Variants in NETO1 observed in about 807,000 individuals in gnomAD.
The protein encoded by NETO1 is neuropilin and tolloid like 1, also known as neuropilin and tolloid-like protein 1.
Under a neutral mutation model 61.3 loss-of-function variants are expected in NETO1, and 26 were observed. The observed-to-expected ratio is 0.42, with a 90% confidence interval of 0.31 to 0.59. The LOEUF is 0.59. NETO1 is among the 20% of genes least tolerant of loss of function. The probability of loss-of-function intolerance (pLI) is 0.12; values close to 1 mark genes in which losing one functional copy is unlikely to be tolerated. For synonymous variants in NETO1, 225 were observed against 225.8 expected (o/e 1.00, Z 0.03); for missense variants, 531 against 662.8 (o/e 0.80, Z 2.18).
intron 4 of NETO1, among the ~76,000 whole-genome samples, chr18:72,799,807 A>G (rs1437221589): frequency 6.6e-6 from 1 of 152,210 alleles, no homozygotes; most frequent in Non-Finnish European, 1.5e-5. Flanking sequence ...TAAGAGAGCC[A>G]CTCCAGAGAT....
chr18:72,782,217 T>A (rs2071766375), intron 7 of NETO1, among the ~76,000 whole-genome samples: 1 of 152,226 alleles, frequency 6.6e-6, no homozygotes, highest in Non-Finnish European at 1.5e-5. Flanking sequence ...CCACAATATA[T>A]ATGTACCACA....
At position 72,744,547 on chromosome 18, in the gene NETO1, T is replaced by C. The variant is rs1175795357; in HGVS notation, c.*3632A>G. 2 of 152,104 alleles carry C rather than the reference T, an allele frequency of 1.3e-5. No homozygotes were observed. The highest frequency in any genetic ancestry group is 2.9e-5 in the Non-Finnish European group (2 of 68,018). The allele number at this position is 152,104 out of a possible 1,614,324, so 9.4% of individuals were successfully genotyped here. Reference sequence around the variant, plus strand: ...CTAGAGTGCAATAGATAGAAATGAATCCATGGAGGGAAAAGGGCACAGAGA... The same window carrying C: ...CTAGAGTGCAATAGATAGAAATGAACCCATGGAGGGAAAAGGGCACAGAGA... On this transcript the variant is annotated 3_prime_UTR_variant, in exon 11 of 11. Coordinates refer to ENST00000327305, the MANE Select transcript of NETO1 (RefSeq NM_138966.5).
intron 4 of NETO1, among the ~76,000 whole-genome samples, chr18:72,826,463 T>C (rs2073377154): frequency 6.6e-6 from 1 of 152,214 alleles, no homozygotes; most frequent in African/African-American, 2.4e-5. Context: ...TTTAAATTGG[T>C]AGATTTATTC....
rs2145715413 is a variant in NETO1 at position 72,867,390 on chromosome 18, A to G, written c.-99T>C. Reference sequence around the variant, plus strand: ...GGAGGACAGGGTCGAGAGGTGTTAAAGACGCAAAGCAAGAAGGAAATAAAG... The same window carrying G: ...GGAGGACAGGGTCGAGAGGTGTTAAGGACGCAAAGCAAGAAGGAAATAAAG... On this transcript the variant is annotated 5_prime_UTR_variant, in exon 1 of 11. Transcript: ENST00000327305. 1.1e-6 allele frequency: 1 copy of G among 921,224 alleles called. No homozygotes were observed. The highest frequency in any genetic ancestry group is 1.6e-6 in the Non-Finnish European group (1 of 639,152). 57.1% of individuals were successfully genotyped at this position (921,224 alleles called of 1,614,324 possible). A position where few individuals can be genotyped will look rare whatever the true frequency, so the allele number is the denominator to read the frequency against.
chr18:72,837,862 C>G (rs2073802590), intron 4 of NETO1, among the ~76,000 whole-genome samples: 3 of 152,040 alleles, frequency 2.0e-5, no homozygotes, highest in African/African-American at 7.2e-5. Flanking sequence ...TAAGAGCCAA[C>G]AGCCACACAA....
At position 72,811,760 on chromosome 18, in the gene NETO1, G is replaced by A. The variant is rs576200632; in HGVS notation, c.470-17356C>T. Among the ~76,000 whole-genome samples, 437 of 152,222 alleles carry A rather than the reference G, an allele frequency of 2.9e-3. 2 individuals are homozygous for A. The highest frequency in any genetic ancestry group is 5.3e-3 in the Non-Finnish European group (360 of 68,012). On this transcript the variant is annotated intron_variant, in intron 4 of 10. Transcript: ENST00000327305. Reference sequence around the variant, plus strand: ...TTCGAGGCTGCAGAAAGCTGTGATCGTACCACCTTAATCCAGCCTGGGTGA... The same window carrying A: ...TTCGAGGCTGCAGAAAGCTGTGATCATACCACCTTAATCCAGCCTGGGTGA...
chr18:72,856,980 A>T (rs1037196344), intron 4 of NETO1, among the ~76,000 whole-genome samples: 1 of 152,224 alleles, frequency 6.6e-6, no homozygotes, highest in African/African-American at 2.4e-5. Flanking sequence ...TCCTATTTCA[A>T]TAAGTAATTG....
Position 72,849,751 on chromosome 18 carries a change from G to A in NETO1, c.469+9075C>T, listed in dbSNP as rs1444181710. Among the ~76,000 whole-genome samples the A allele has an allele frequency of 2.0e-5, 3 of 152,164 alleles. No homozygotes were observed. The East Asian group carries it at 5.8e-4, about 29-fold the overall frequency. ...TCTCTGGTTCTGATGTCAGAAATCT[G>A]AATGGGTCTCACTGGCCTAAAAATC... On this transcript the variant is annotated intron_variant, in intron 4 of 10. Transcript: ENST00000327305.
At chr18:72,849,907 T>C (rs112271658) in intron 4 of NETO1, among the ~76,000 whole-genome samples, 4 of 152,196 alleles carry the variant, frequency 2.6e-5, no homozygotes, top group African/African-American at 9.7e-5. Flanking sequence ...AAGCCCACAA[T>C]AGCAGCTGGA....
rs185281886 is a variant in NETO1 at position 72,774,526 on chromosome 18, A to G, written c.868+9152T>C. On this transcript the variant is annotated intron_variant, in intron 7 of 10. Coordinates refer to ENST00000327305, the MANE Select transcript of NETO1 (RefSeq NM_138966.5). ...CCAAAGTATAAAGCTATAATAATAT[A>G]AGAAATCTTAAATTGAGTCCATAAA... Among the ~76,000 whole-genome samples the G allele has an allele frequency of 1.0e-2, 1,521 of 152,312 alleles. 14 individuals carry two copies. The highest frequency in any genetic ancestry group is 0.012 in the Non-Finnish European group (804 of 68,012).
At chr18:72,796,522 C>T (rs2072317204) in intron 4 of NETO1, among the ~76,000 whole-genome samples, 1 of 152,132 alleles carries the variant, frequency 6.6e-6, no homozygotes, top group African/African-American at 2.4e-5. Context: ...GGCTCTGTCG[C>T]CCAGGCTGGA....
At chr18:72,791,619 A>G (rs2072121572) in intron 6 of NETO1, among the ~76,000 whole-genome samples, 1 of 149,744 alleles carries the variant, frequency 6.7e-6, no homozygotes. Flanking sequence ...ATTGTACAAA[A>G]GACAGTCTAT....
intron 4 of NETO1, among the ~76,000 whole-genome samples, chr18:72,797,065 A>C (rs1488397433): frequency 6.6e-6 from 1 of 152,140 alleles, no homozygotes; most frequent in East Asian, 1.9e-4. Context: ...AACCTTGATG[A>C]CCTGTTATCT....
intron 4 of NETO1, among the ~76,000 whole-genome samples, chr18:72,855,791 G>A (rs1016655789): frequency 9.9e-5 from 15 of 152,190 alleles, no homozygotes; most frequent in Admixed American, 2.0e-4. Flanking sequence ...TGGGACCCAT[G>A]GCTGTGTGGG....
intron 6 of NETO1, among the ~76,000 whole-genome samples, chr18:72,784,500 C>T (rs559201287): frequency 1.3e-5 from 2 of 152,128 alleles, no homozygotes; most frequent in Admixed American, 6.5e-5. Context: ...AGCTAAGCTA[C>T]ATAAATAAAA....
intron 3 of NETO1, among the ~76,000 whole-genome samples, chr18:72,860,722 T>C (rs961616228): frequency 2.1e-5 from 3 of 140,828 alleles, no homozygotes; most frequent in Non-Finnish European, 4.7e-5. Context: ...GGAGTTTCAA[T>C]GACGTGGTTT....
At chr18:72,864,716 G>C in intron 3 of NETO1, 92 bp downstream of exon 3, 5 of 1,499,958 alleles carry the variant, frequency 3.3e-6, no homozygotes, top group Non-Finnish European at 4.5e-6. Flanking sequence ...GATCAATTTT[G>C]TAATGCCTAT....
intron 8 of NETO1, among the ~76,000 whole-genome samples, 161 bp from the exon 9 acceptor site, chr18:72,750,781 A>G (rs2070577003): frequency 6.6e-6 from 1 of 151,924 alleles, no homozygotes; most frequent in South Asian, 2.1e-4. Flanking sequence ...ATTTAAAAAT[A>G]AATACAAGGT....
intron 4 of NETO1, among the ~76,000 whole-genome samples, chr18:72,832,410 C>T (rs1402370695): frequency 1.3e-5 from 2 of 151,844 alleles, no homozygotes; most frequent in African/African-American, 2.4e-5. Flanking sequence ...TTTCTTTTTC[C>T]CCCTCAGTGA....
Sources: gnomAD v4.1 joint callset for allele counts (sites outside exome capture counted in the v4.1 genomes callset) on GRCh38, gnomAD v4.1.1 for gene constraint, MANE v1.5 for transcripts, NCBI Gene and HGNC (gene_info 2026-07-23, HGNC 2026-07-21) for gene names.